The following IFT172 variants were observed in gnomAD, a reference collection of about 807,000 sequenced individuals.
The protein encoded by IFT172 is intraflagellar transport 172.
In IFT172, 164 loss-of-function variants were observed where a neutral mutation model predicts 248.9. The ratio of observed to expected loss-of-function variants is 0.66; its 90% CI spans 0.58 to 0.75. The LOEUF is 0.75. Among genes scored for constraint, IFT172 ranks in the 30% least tolerant of loss-of-function variants. IFT172 has a pLI of 0.00. For missense variants in IFT172, 1,950 were observed against 2,192.4 expected (o/e 0.89, Z 2.21); for synonymous variants, 729 against 791.6 (o/e 0.92, Z 1.33).
At chr2:27,453,553 G>A in intron 34 of IFT172, 40 bp from the exon 35 acceptor site, 1 of 1,611,374 alleles carries the variant, frequency 6.2e-7, no homozygotes, top group Non-Finnish European at 8.5e-7. Flanking sequence ...ATGGTAGGGG[G>A]GCAGCATGCT....
rs1243602701 is a variant in IFT172, at chr2:27,477,207, G to A, written c.1325+10C>T. ...GGGTTTCAGGGATTCAGAGAATCTTGTGAGGTTACCTGATGAGGTGGGGGT... is the reference window on the plus strand; with the variant it reads ...GGGTTTCAGGGATTCAGAGAATCTTATGAGGTTACCTGATGAGGTGGGGGT... On this transcript the variant is annotated intron_variant, in intron 13 of 47. Coordinates refer to ENST00000260570, the MANE Select transcript of IFT172 (RefSeq NM_015662.3). 1 of 1,604,426 alleles carries A rather than the reference G, an allele frequency of 6.2e-7. No homozygotes were observed. The highest frequency in any genetic ancestry group is 2.2e-5 in the East Asian group (1 of 44,854).
In IFT172 at chr2:27,485,509, G is replaced by A. The variant is rs747734190; in HGVS notation, c.40-6C>T. 6.2e-7 allele frequency: 1 copy of A among 1,613,812 alleles called. No homozygotes were observed. The highest frequency in any genetic ancestry group is 8.5e-7 in the Non-Finnish European group (1 of 1,179,872). ...GTCACCTTTGCAGCTCCATCCTGTA[G>A]AGGCAAAGGGGTAAAAACAAACCCA... On this transcript the variant is annotated splice_region_variant and splice_polypyrimidine_tract_variant and intron_variant, in intron 1 of 47. Coordinates refer to ENST00000260570, the MANE Select transcript of IFT172 (RefSeq NM_015662.3).
chr2:27,474,103 C>T (rs567768089), intron 14 of IFT172, among the ~76,000 whole-genome samples: 4 of 152,306 alleles, frequency 2.6e-5, no homozygotes, highest in Admixed American at 6.5e-5. Context: ...CCACCGTACC[C>T]GGCCTTGAAC....
chr2:27,454,684 G>A lies in IFT172; in HGVS notation c.3372-24C>T. ...AGCTGAAACAGAAAGTGCAGATAAA[G>A]TTTTCTTGCTTCATGCTTCCCTTCA... On this transcript the variant is annotated intron_variant, in intron 30 of 47. Transcript: ENST00000260570. This position sits in a 1 kb window ranked among gnomAD's most constrained non-coding sequence, Gnocchi z 4.2. The A allele has an allele frequency of 1.2e-6, 2 of 1,602,574 alleles. No individual in the cohort carries two copies.
chr2:27,466,150 G>A (rs1667075335), intron 16 of IFT172: 2 of 437,820 alleles, frequency 4.6e-6, no homozygotes, highest in African/African-American at 2.0e-5. Flanking sequence ...TACCATAAGA[G>A]TAAGATATTC....
intron 14 of IFT172, among the ~76,000 whole-genome samples, chr2:27,473,401 A>T (rs1183084972): frequency 6.8e-6 from 1 of 147,702 alleles, no homozygotes; most frequent in African/African-American, 2.5e-5. Flanking sequence ...AAAATGATAA[A>T]GCCGTATTTT....
At chr2:27,481,588 C>A (rs1170073928) in intron 7 of IFT172, among the ~76,000 whole-genome samples, 1 of 150,908 alleles carries the variant, frequency 6.6e-6, no homozygotes, top group Non-Finnish European at 1.5e-5. Flanking sequence ...GCCGCCCAGG[C>A]TGGAGTGCAG....
At chr2:27,466,363 A>G (rs778550842) in intron 16 of IFT172, among the ~76,000 whole-genome samples, 1 of 152,244 alleles carries the variant, frequency 6.6e-6, no homozygotes, top group Non-Finnish European at 1.5e-5. Context: ...TGGGAAAAGT[A>G]CAGTTGTCCT....
intron 29 of IFT172, 77 bp downstream of exon 29, chr2:27,457,562 G>A (rs1366628955): frequency 9.4e-6 from 12 of 1,271,740 alleles, no homozygotes; most frequent in East Asian, 2.3e-5. Flanking sequence ...GTGACAGAGT[G>A]AGACCCTTTC....
At chr2:27,487,892 A>C (rs952691986) in intron 1 of IFT172, among the ~76,000 whole-genome samples, 1 of 152,094 alleles carries the variant, frequency 6.6e-6, no homozygotes, top group African/African-American at 2.4e-5. Flanking sequence ...GCCTAGAACC[A>C]TGATTAAATC....
chr2:27,484,464 G>A (rs1034911120), intron 3 of IFT172, among the ~76,000 whole-genome samples, 198 bp from the exon 4 acceptor site: 8 of 152,084 alleles, frequency 5.3e-5, no homozygotes, highest in African/African-American at 1.7e-4. Context: ...GGTGGTGGGC[G>A]CCTGTAGTCC....
Position 27,459,393 on chromosome 2 carries a change from G to A in IFT172, c.2772C>T (p.Ser924=), listed in dbSNP as rs1382446883. 3.1e-6 allele frequency: 5 copies of A among 1,613,986 alleles called. No homozygotes were observed. In the African/African-American group the frequency reaches 4.0e-5, roughly 13 times the overall value. The change falls in exon 25 of 48, where the codon TCC becomes TCT. Residue 924 remains serine, a synonymous_variant. Coordinates refer to ENST00000260570, the MANE Select transcript of IFT172 (RefSeq NM_015662.3). ...TCTTCCTCACCTCATACTCCTGCAG[G>A]GATGCATAGTGTTGGGCCACGAGAG... is the stretch of plus-strand genomic sequence containing the variant. ...YYPLVAQHYA[S]LQEYEIAEEL...
Position 27,453,441 on chromosome 2 carries a change from G to A in IFT172, c.3894C>T (p.Cys1298=), listed in dbSNP as rs754337941. The A allele has an allele frequency of 4.3e-6, 7 of 1,614,082 alleles. No homozygotes were observed. The highest frequency in any genetic ancestry group is 5.9e-6 in the Non-Finnish European group (7 of 1,180,036). Residue 1298 remains cysteine, a synonymous_variant, in exon 35 of 48, where the codon TGC becomes TGT. Transcript: ENST00000260570. ...QAGEYSRAVD[C]YLKVRDSGNS... ...TTCCAGAGTCTCGCACTTTGAGGTA[G>A]CAGTCCACGGCACGGCTGTACTCTC...
chr2:27,469,520 C>T (rs1244553114), intron 16 of IFT172, among the ~76,000 whole-genome samples: 1 of 151,876 alleles, frequency 6.6e-6, no homozygotes. Context: ...GATGGTAAAT[C>T]TAAATGAATC....
intron 14 of IFT172, among the ~76,000 whole-genome samples, chr2:27,474,052 C>T (rs1667790576): frequency 6.6e-6 from 1 of 152,170 alleles, no homozygotes; most frequent in Non-Finnish European, 1.5e-5. Context: ...AGGTGATCCG[C>T]CCGCCTCGGC....
chr2:27,449,369 C>G lies in IFT172; in HGVS notation c.4236G>C (p.Val1412=). 2 of 1,614,178 alleles carry G rather than the reference C, an allele frequency of 1.2e-6. No individual in the cohort carries two copies. The highest frequency in any genetic ancestry group is 1.7e-6 in the Non-Finnish European group (2 of 1,180,034). Residue 1412 remains valine (V), a synonymous_variant, in exon 39 of 48, where the codon GTG becomes GTC. Coordinates refer to ENST00000260570, the MANE Select transcript of IFT172 (RefSeq NM_015662.3). ...ACAGGTCCAAAGCAGCTATCACATC[C>G]ACACCCACCAGCTGGGTCAATGGAA... is the stretch of plus-strand genomic sequence containing the variant. ...NQGKVDSLVG[V]DVIAALDLYV...
At chr2:27,480,995 G>C (rs1183891790) in intron 8 of IFT172, 51 bp downstream of exon 8, 1 of 1,434,366 alleles carries the variant, frequency 7.0e-7, no homozygotes, top group South Asian at 1.1e-5. Context: ...CTAAAGCAGA[G>C]AGTGTTCGCA....
At chr2:27,478,861 A>C (rs1668150144) in intron 10 of IFT172, among the ~76,000 whole-genome samples, 1 of 152,222 alleles carries the variant, frequency 6.6e-6, no homozygotes, top group Admixed American at 6.5e-5. Context: ...CATCATACAC[A>C]GTGAGCTCAG....
In IFT172 at chr2:27,445,883, C is replaced by T. The variant is rs768767140; in HGVS notation, c.4816-40G>A. On this transcript the variant is annotated intron_variant, in intron 44 of 47. Transcript: ENST00000260570. This position sits in a 1 kb window ranked among gnomAD's most constrained non-coding sequence, Gnocchi z 4.4. ...GCAACCATGAACTAGGCACAGCTCG[C>T]GACTGGCAAAAACCTCCACCCTCGG... 8.3e-5 allele frequency: 134 copies of T among 1,614,046 alleles called. 2 individuals carry two copies. In the South Asian group the frequency reaches 1.2e-3, roughly 15 times the overall value.
Sources: gnomAD v4.1 joint callset for allele counts (sites outside exome capture counted in the v4.1 genomes callset) on GRCh38, gnomAD v4.1.1 for gene constraint, Gnocchi (gnomAD v3.1) non-coding constraint, MANE v1.5 for transcripts, NCBI Gene and HGNC (gene_info 2026-07-23, HGNC 2026-07-21) for gene names.